PAPSS1: variants seen among roughly 807,000 people sequenced by gnomAD.
The protein encoded by PAPSS1 is bifunctional 3'-phosphoadenosine 5'-phosphosulfate synthase 1.
Under a neutral mutation model 72.0 loss-of-function variants are expected in PAPSS1, and 50 were observed. That is an observed-to-expected ratio of 0.69 (90% CI 0.55 to 0.88). The LOEUF (loss-of-function observed/expected upper bound fraction) is 0.88. Ranked by LOEUF, PAPSS1 falls within the 40% of genes least tolerant of loss-of-function variation. The probability of loss-of-function intolerance (pLI) is 0.00; values close to 1 mark genes in which losing one functional copy is unlikely to be tolerated. For synonymous variants in PAPSS1, 261 were observed against 263.6 expected (o/e 0.99, Z 0.09); for missense variants, 657 against 782.2 (o/e 0.84, Z 1.91).
At chr4:107,626,641 T>C (rs1726108660) in intron 11 of PAPSS1, among the ~76,000 whole-genome samples, 1 of 152,214 alleles carries the variant, frequency 6.6e-6, no homozygotes, top group African/African-American at 2.4e-5. Context: ...CTCCTAAGCA[T>C]TGTCTTACAT....
intron 11 of PAPSS1, among the ~76,000 whole-genome samples, chr4:107,623,459 TAAG>T (rs1424883367): frequency 6.6e-6 from 1 of 152,216 alleles, no homozygotes; most frequent in Non-Finnish European, 1.5e-5. Context: ...CCTGCCTACT[TAAG>T]AACCACAAAA....
intron 1 of PAPSS1, among the ~76,000 whole-genome samples, chr4:107,710,522 G>A (rs1279791994): frequency 1.0e-4 from 5 of 49,100 alleles, no homozygotes; most frequent in Non-Finnish European, 3.4e-4. Context: ...GCTGGGGTCC[G>A]AAGGGAGTAA....
In PAPSS1 at chr4:107,640,961, C is replaced by T. The variant is rs971107666; in HGVS notation, c.1506+3841G>A. On this transcript the variant is annotated intron_variant, in intron 10 of 11. Coordinates refer to ENST00000265174, the MANE Select transcript of PAPSS1 (RefSeq NM_005443.5). Reference sequence around the variant, plus strand: ...CAGAACAACTAACTTCTTGGCCTTCCCTCCAAATGCCAAAGCACAAAGCTA... The same window carrying T: ...CAGAACAACTAACTTCTTGGCCTTCTCTCCAAATGCCAAAGCACAAAGCTA... 3.3e-5 allele frequency among the ~76,000 whole-genome samples: 5 copies of T among 152,090 alleles called. 1 individual carries two copies. The highest frequency in any genetic ancestry group is 3.3e-4 in the Admixed American group (5 of 15,268).
At chr4:107,620,451 GAC>G (rs1280493420) in intron 11 of PAPSS1, among the ~76,000 whole-genome samples, 1 of 152,168 alleles carries the variant, frequency 6.6e-6, no homozygotes, top group African/African-American at 2.4e-5. Flanking sequence ...CCAATTGAAA[GAC>G]ATGAAAAATT....
At chr4:107,714,216 C>T (rs905128723) in intron 1 of PAPSS1, among the ~76,000 whole-genome samples, 2 of 152,188 alleles carry the variant, frequency 1.3e-5, no homozygotes, top group Non-Finnish European at 2.9e-5. Context: ...AGTCAGAATA[C>T]TCCCTAATTC....
At chr4:107,707,357 A>G (rs1723363873) in intron 1 of PAPSS1, among the ~76,000 whole-genome samples, 1 of 152,148 alleles carries the variant, frequency 6.6e-6, no homozygotes, top group African/African-American at 2.4e-5. Flanking sequence ...TGGCCCTAAG[A>G]CAAGTCTAAA....
intron 1 of PAPSS1, among the ~76,000 whole-genome samples, chr4:107,718,141 G>T (rs1376245610): frequency 6.6e-6 from 1 of 152,172 alleles, no homozygotes; most frequent in Non-Finnish European, 1.5e-5. Flanking sequence ...AGGTATATGG[G>T]TTCTTCACAC....
intron 9 of PAPSS1, among the ~76,000 whole-genome samples, chr4:107,648,986 T>G (rs1292850622): frequency 6.6e-6 from 1 of 152,266 alleles, no homozygotes; most frequent in Non-Finnish European, 1.5e-5. Context: ...TTCTAAAGTA[T>G]GGCAGCAATG....
chr4:107,719,707 C>A (rs1268880631), intron 1 of PAPSS1: 6 of 743,454 alleles, frequency 8.1e-6, no homozygotes, highest in Non-Finnish European at 1.0e-5. Context: ...AAGGCGCCCG[C>A]CTCCGCCTTC....
chr4:107,702,716 T>C (rs780453231), intron 1 of PAPSS1, among the ~76,000 whole-genome samples: 38 of 152,228 alleles, frequency 2.5e-4, no homozygotes, highest in Admixed American at 5.9e-4. Context: ...TTCCACTGTG[T>C]AAATATACTA....
chr4:107,684,292 G>A (rs763798326), intron 4 of PAPSS1, among the ~76,000 whole-genome samples: 7 of 152,148 alleles, frequency 4.6e-5, no homozygotes, highest in Non-Finnish European at 1.0e-4. Flanking sequence ...ATTTTCATCA[G>A]ATAGGTTTTA....
In PAPSS1 at chr4:107,644,970, G is replaced by A. The variant is rs768865350; in HGVS notation, c.1338C>T (p.Arg446=). 1.2e-6 allele frequency: 2 copies of A among 1,613,832 alleles called. No homozygotes were observed. Among genetic ancestry groups the A allele is most frequent in the South Asian group, 1.1e-5 (1 of 91,048 alleles). Residue 446 remains arginine, a synonymous_variant, in exon 10 of 12, where the codon CGC becomes CGT. Transcript: ENST00000265174. Reference sequence around the variant, plus strand: ...CCAGAGGGTGGAGGAGGAGGACAGGGCGCCGGTAGCCCCTCTCTAGAAGTT... The same window carrying A: ...CCAGAGGGTGGAGGAGGAGGACAGGACGCCGGTAGCCCCTCTCTAGAAGTT... ...HKQLLERGYR[R]PVLLLHPLGG...
chr4:107,681,675 A>G (rs975909174), intron 5 of PAPSS1, among the ~76,000 whole-genome samples: 11 of 152,194 alleles, frequency 7.2e-5, no homozygotes, highest in Non-Finnish European at 1.2e-4. Flanking sequence ...TGTATACCTC[A>G]AATGGAAAAA....
intron 11 of PAPSS1, among the ~76,000 whole-genome samples, chr4:107,622,707 G>A (rs1034084864): frequency 6.6e-6 from 1 of 152,222 alleles, no homozygotes; most frequent in Non-Finnish European, 1.5e-5. Flanking sequence ...TGTAGAAGCA[G>A]ACTCTTGCCA....
chr4:107,688,707 G>A (rs2522421), intron 3 of PAPSS1, among the ~76,000 whole-genome samples: 120,410 of 151,994 alleles, frequency 0.79, 50,937 homozygotes, highest in South Asian at 0.95. Flanking sequence ...CACAGTTCTT[G>A]AGCGTTTCTC....
At chr4:107,667,476 G>T (rs1281989650) in intron 5 of PAPSS1, among the ~76,000 whole-genome samples, 2 of 152,164 alleles carry the variant, frequency 1.3e-5, no homozygotes, top group Non-Finnish European at 1.5e-5. Flanking sequence ...CACCCCATTT[G>T]GGCTGGCGTC....
chr4:107,658,353 TA>T (rs5860875), intron 6 of PAPSS1, among the ~76,000 whole-genome samples: 33,433 of 135,562 alleles, frequency 0.25, 4,066 homozygotes, highest in East Asian at 0.37. Flanking sequence ...AGACTCCATT[TA>T]AAAAAAAAAA....
At chr4:107,719,295 A>G (rs1171460876) in intron 1 of PAPSS1, among the ~76,000 whole-genome samples, 1 of 152,146 alleles carries the variant, frequency 6.6e-6, no homozygotes, top group Admixed American at 6.5e-5. Flanking sequence ...CTAAACTTAA[A>G]CCAGTGCCTT....
chr4:107,699,625 C>G (rs2125936194), intron 2 of PAPSS1, among the ~76,000 whole-genome samples: 1 of 152,208 alleles, frequency 6.6e-6, no homozygotes, highest in Non-Finnish European at 1.5e-5. Flanking sequence ...AAGACAAAAG[C>G]CTCTATTTCC....
Sources: gnomAD v4.1 joint callset for allele counts (sites outside exome capture counted in the v4.1 genomes callset) on GRCh38, gnomAD v4.1.1 for gene constraint, MANE v1.5 for transcripts, NCBI Gene and HGNC (gene_info 2026-07-23, HGNC 2026-07-21) for gene names.